SLC4A7: variants seen among roughly 807,000 people sequenced by gnomAD.
The protein encoded by SLC4A7 is solute carrier family 4 member 7, also known as sodium bicarbonate cotransporter 3.
In SLC4A7, 51 loss-of-function variants were observed where a neutral mutation model predicts 137.6. The ratio of observed to expected loss-of-function variants is 0.37; its 90% CI spans 0.30 to 0.47. SLC4A7 has a LOEUF of 0.47. SLC4A7 is among the 20% of genes least tolerant of loss of function. SLC4A7 has a pLI of 1.00. For missense variants in SLC4A7, 1,247 were observed against 1,525.4 expected (o/e 0.82, Z 3.04); for synonymous variants, 542 against 518.6 (o/e 1.05, Z -0.61).
In SLC4A7 at chr3:27,450,008, A is replaced by T. The variant is rs533489229; in HGVS notation, c.143-1211T>A. ...ACTTGTAACCACAAAATCAATACTT[A>T]GGGAGATTTCATGCCATTTTTCGGA... On this transcript the variant is annotated intron_variant, in intron 2 of 25. Transcript: ENST00000454389. Among the ~76,000 whole-genome samples, 3 of 152,276 alleles carry T rather than the reference A, an allele frequency of 2.0e-5. No individual in the cohort carries two copies. The East Asian group carries it at 5.8e-4, about 29-fold the overall frequency.
chr3:27,386,440 C>T (rs574979287), intron 22 of SLC4A7, among the ~76,000 whole-genome samples: 15 of 152,158 alleles, frequency 9.9e-5, no homozygotes, highest in African/African-American at 3.6e-4. Flanking sequence ...ACTTTTCAAT[C>T]ATATGGGAGA....
chr3:27,462,370 G>A (rs908137376), intron 1 of SLC4A7: 5 of 152,160 alleles, frequency 3.3e-5, no homozygotes, highest in Non-Finnish European at 7.3e-5. Flanking sequence ...CACGTTCGCA[G>A]GTACTGGGGA....
At chr3:27,467,721 C>A (rs988479282) in intron 1 of SLC4A7, among the ~76,000 whole-genome samples, 1 of 152,080 alleles carries the variant, frequency 6.6e-6, no homozygotes, top group Non-Finnish European at 1.5e-5. Context: ...TATTTAACAC[C>A]ACTAAAATTT....
In SLC4A7 at chr3:27,372,764, T is replaced by C. The variant is rs868360898; in HGVS notation, c.*4000A>G. 3.7e-4 allele frequency: 57 copies of C among 152,566 alleles called. No individual in the cohort carries two copies. Among genetic ancestry groups the C allele is most frequent in the African/African-American group, 1.2e-3 (51 of 41,534 alleles). The allele number at this position is 152,566 out of a possible 1,614,324, so 9.5% of individuals were successfully genotyped here. Reference sequence around the variant, plus strand: ...TATTGCTCAATCAACTTCAGTAACATCTCCAAAAAAATAGTTTTCATCTAA... The same window carrying C: ...TATTGCTCAATCAACTTCAGTAACACCTCCAAAAAAATAGTTTTCATCTAA... On this transcript the variant is annotated 3_prime_UTR_variant, in exon 26 of 26. Transcript: ENST00000454389.
chr3:27,403,072 AT>A, intron 15 of SLC4A7, 66 bp downstream of exon 15: 1 of 1,504,948 alleles, frequency 6.6e-7, no homozygotes, highest in Non-Finnish European at 8.9e-7. Context: ...AAAAAAATTC[AT>A]TTTCTGAGGC....
At chr3:27,426,313 A>C (rs1403538234) in intron 7 of SLC4A7, among the ~76,000 whole-genome samples, 1 of 152,216 alleles carries the variant, frequency 6.6e-6, no homozygotes, top group Non-Finnish European at 1.5e-5. Context: ...TGGCACACCA[A>C]GAAGATTCCT....
chr3:27,429,868 C>CAAAA (rs34059437), intron 7 of SLC4A7, among the ~76,000 whole-genome samples: 1 of 127,242 alleles, frequency 7.9e-6, no homozygotes, highest in Non-Finnish European at 1.7e-5. Context: ...CCCGCCCAAG[C>CAAAA]AAAAAAAAAA....
intron 4 of SLC4A7, 90 bp from the exon 5 acceptor site, chr3:27,436,638 GAAAAA>G: frequency 1.7e-6 from 1 of 593,478 alleles, no homozygotes; most frequent in Non-Finnish European, 2.4e-6. Flanking sequence ...GTTCTTTAAA[GAAAAA>G]AAAAAAAGAA....
At position 27,421,263 on chromosome 3, in the gene SLC4A7, G is replaced by A. The variant is rs1195843011; in HGVS notation, c.1424+359C>T. ...GTCTGTAATCCCAATACTTTGGGAG[G>A]CCAAGACAGGCAGATCACTTAAGTA... On this transcript the variant is annotated intron_variant, in intron 9 of 25. Coordinates refer to ENST00000454389, the MANE Select transcript of SLC4A7 (RefSeq NM_001321103.2). Among the ~76,000 whole-genome samples, 3 of 152,070 alleles carry A rather than the reference G, an allele frequency of 2.0e-5. No homozygotes were observed. The East Asian group carries it at 5.9e-4, about 30-fold the overall frequency.
chr3:27,438,831 T>A (rs2056966894), intron 3 of SLC4A7, among the ~76,000 whole-genome samples: 1 of 152,190 alleles, frequency 6.6e-6, no homozygotes, highest in Non-Finnish European at 1.5e-5. Context: ...AAGCTCCAAC[T>A]ATACAGAAAC....
chr3:27,447,072 G>C (rs1024266879), intron 3 of SLC4A7, among the ~76,000 whole-genome samples: 30 of 146,942 alleles, frequency 2.0e-4, no homozygotes, highest in African/African-American at 7.5e-4. Flanking sequence ...TTTTTCAGTA[G>C]AGACGGGGTT....
At chr3:27,474,724 CCT>C (rs1466468116) in intron 1 of SLC4A7, among the ~76,000 whole-genome samples, 2 of 152,068 alleles carry the variant, frequency 1.3e-5, no homozygotes, top group Non-Finnish European at 2.9e-5. Context: ...ACAGTGCGAG[CCT>C]CTGTCTCAAA....
chr3:27,386,577 G>A (rs1310816355), intron 22 of SLC4A7, among the ~76,000 whole-genome samples: 3 of 152,044 alleles, frequency 2.0e-5, no homozygotes, highest in Non-Finnish European at 4.4e-5. Flanking sequence ...TGGTTTTTAT[G>A]ACTTTTGTTT....
chr3:27,476,262 T>C lies in SLC4A7; in HGVS notation c.60+7805A>G, dbSNP rs2059455741. Among the ~76,000 whole-genome samples the C allele has an allele frequency of 2.0e-5, 3 of 152,196 alleles. No individual in the cohort carries two copies. The South Asian group carries it at 6.2e-4, about 31-fold the overall frequency. ...CTTAATATTCACTTGCCTAAAATTT[T>C]CTCTCAGGTTTAAAAAATGTTATGT... On this transcript the variant is annotated intron_variant, in intron 1 of 25. Transcript: ENST00000454389.
intron 3 of SLC4A7, among the ~76,000 whole-genome samples, chr3:27,446,399 G>A (rs556737792): frequency 6.6e-6 from 1 of 152,142 alleles, no homozygotes; most frequent in African/African-American, 2.4e-5. Flanking sequence ...AAAAACTTCA[G>A]GGACATAAAT....
At chr3:27,467,290 TC>T (rs2059049846) in intron 1 of SLC4A7, among the ~76,000 whole-genome samples, 2 of 152,222 alleles carry the variant, frequency 1.3e-5, no homozygotes, top group South Asian at 4.1e-4. Context: ...TCATGTTCAT[TC>T]CACTAGGCCA....
At chr3:27,476,996 G>A (rs183632924) in intron 1 of SLC4A7, among the ~76,000 whole-genome samples, 3 of 152,304 alleles carry the variant, frequency 2.0e-5, no homozygotes, top group African/African-American at 7.2e-5. Context: ...AGGGAATCTG[G>A]AGGCAGAGAG....
chr3:27,426,938 C>G (rs1029601297), intron 7 of SLC4A7, among the ~76,000 whole-genome samples: 4 of 152,108 alleles, frequency 2.6e-5, no homozygotes, highest in Non-Finnish European at 5.9e-5. Context: ...TATTACTTTG[C>G]TTTAAGGAAA....
At chr3:27,474,838 C>A (rs1028852058) in intron 1 of SLC4A7, among the ~76,000 whole-genome samples, 8 of 152,126 alleles carry the variant, frequency 5.3e-5, no homozygotes, top group African/African-American at 9.7e-5. Flanking sequence ...AAACCAGTAT[C>A]AGGCCAGGCG....
Sources: allele counts gnomAD v4.1 joint callset (sites outside exome capture counted in the v4.1 genomes callset), GRCh38; gene constraint gnomAD v4.1.1; transcripts MANE v1.5; gene names NCBI Gene and HGNC (gene_info 2026-07-23, HGNC 2026-07-21).